CABP1: variants seen among roughly 807,000 people sequenced by gnomAD.
CABP1 encodes the protein calcium-binding protein 1.
Under a neutral mutation model 34.3 loss-of-function variants are expected in CABP1, and 17 were observed. The observed-to-expected ratio is 0.50, with a 90% CI of 0.34 to 0.74. The LOEUF (loss-of-function observed/expected upper bound fraction) is 0.74, where lower values mean the gene tolerates loss of function less well. Among genes scored for constraint, CABP1 ranks in the 30% least tolerant of loss-of-function variants. CABP1 has a pLI of 0.01. For missense variants in CABP1, 373 were observed against 511.1 expected, an observed-to-expected ratio of 0.73 and a Z score of 2.61; for synonymous variants, 198 against 229.2, an observed-to-expected ratio of 0.86 and a Z score of 1.23.
At chr12:120,679,343 T>C in the CABP1 span, among the ~76,000 whole-genome samples, 2 of 152,196 alleles carry the variant, frequency 1.3e-5, no homozygotes, top group Admixed American at 1.3e-4. Flanking sequence ...GGCTGTTCAT[T>C]GTGTGACTTT....
At chr12:120,674,458 T>C in the CABP1 span, among the ~76,000 whole-genome samples, 21 of 152,264 alleles carry the variant, frequency 1.4e-4, no homozygotes, top group Non-Finnish European at 2.8e-4. Context: ...TAGCAGGAAC[T>C]GCAGGGCTGG....
chr12:120,671,297 C>T (rs184614056), downstream of CABP1, among the ~76,000 whole-genome samples: 153 of 152,230 alleles, frequency 1.0e-3, no homozygotes, highest in African/African-American at 3.3e-3. Flanking sequence ...CCCAGCTACT[C>T]GGGAGGCTGA....
At position 120,667,135 on chromosome 12, in the gene CABP1, G is replaced by C; in HGVS notation, c.*235G>C. On this transcript the variant is annotated 3_prime_UTR_variant, in exon 6 of 6. Transcript: ENST00000316803. The stretch of plus-strand genomic sequence containing the variant: ...GACGAGGAGGCCACCGTGCCAAGCC[G>C]GCAGAGGTCATGCCAGGCGCCAAGG... 1.7e-6 allele frequency: 1 copy of C among 581,716 alleles called. No homozygotes were observed. Among genetic ancestry groups the C allele is most frequent in the Non-Finnish European group, 3.0e-6 (1 of 329,290 alleles). 36.0% of individuals were successfully genotyped at this position (581,716 alleles called of 1,614,324 possible).
At chr12:120,643,753 T>C (rs1879438436) in intron 1 of CABP1, among the ~76,000 whole-genome samples, 1 of 152,202 alleles carries the variant, frequency 6.6e-6, no homozygotes, top group African/African-American at 2.4e-5. Flanking sequence ...TTACCTGCAA[T>C]GTAGGGATCA....
intron 1 of CABP1, chr12:120,655,490 C>T: frequency 1.8e-6 from 2 of 1,081,990 alleles, no homozygotes; most frequent in Non-Finnish European, 2.3e-6. Context: ...TCACACCCTG[C>T]CTGCTTCATT....
chr12:120,676,031 G>A, the CABP1 span, among the ~76,000 whole-genome samples: 1 of 152,036 alleles, frequency 6.6e-6, no homozygotes, highest in Non-Finnish European at 1.5e-5. Context: ...AACTGAGATC[G>A]AACCACTGCA....
At chr12:120,679,947 G>A in the CABP1 span, among the ~76,000 whole-genome samples, 1 of 152,154 alleles carries the variant, frequency 6.6e-6, no homozygotes, top group Non-Finnish European at 1.5e-5. Context: ...TGAGGTGGGC[G>A]GATCACTTGA....
chr12:120,659,955 A>G, intron 2 of CABP1, 47 bp downstream of exon 2: 1 of 1,582,136 alleles, frequency 6.3e-7, no homozygotes, highest in South Asian at 1.1e-5. Context: ...CCCTCTAGGA[A>G]GGTGTGGGAA....
At chr12:120,665,351 G>C (rs750851165) in intron 5 of CABP1, among the ~76,000 whole-genome samples, 1 of 152,122 alleles carries the variant, frequency 6.6e-6, no homozygotes, top group Non-Finnish European at 1.5e-5. Flanking sequence ...GCTTGAGCCC[G>C]GGAGGTCAAG....
At chr12:120,671,398 C>T (rs146341048), downstream of CABP1, among the ~76,000 whole-genome samples, 17 of 152,268 alleles carry the variant, frequency 1.1e-4, no homozygotes, top group African/African-American at 4.1e-4. Flanking sequence ...AAATAGCAAC[C>T]ACTATTTCTG....
At chr12:120,650,833 C>T in intron 1 of CABP1, 1 of 773,278 alleles carries the variant, frequency 1.3e-6, no homozygotes. Context: ...ACCCCAAACA[C>T]CCTCCTATTG....
At chr12:120,642,974 A>C (rs1879403321) in intron 1 of CABP1, among the ~76,000 whole-genome samples, 3 of 114,768 alleles carry the variant, frequency 2.6e-5, no homozygotes, top group African/African-American at 1.1e-4. Context: ...CTCAGTTTGC[A>C]GCTGATCTGA....
chr12:120,642,778 T>C (rs1027368525), intron 1 of CABP1, among the ~76,000 whole-genome samples: 5 of 152,126 alleles, frequency 3.3e-5, no homozygotes, highest in African/African-American at 7.2e-5. Context: ...TTCATTCATT[T>C]ATCAATTATT....
intron 5 of CABP1, among the ~76,000 whole-genome samples, chr12:120,665,498 T>G (rs531348700): frequency 6.6e-6 from 1 of 152,272 alleles, no homozygotes; most frequent in South Asian, 2.1e-4. Context: ...CATTATACAT[T>G]TGTCTGAACC....
rs1879308299 is a variant in CABP1, at chr12:120,641,278, C to T, written c.593C>T (p.Ala198Val). ...RGRGDSVPAA[A>V]SEADPFLHRL... ...CGCGGGGACTCCGTTCCAGCCGCCG[C>T]GTCCGAGGCGGACCCGTTCCTCCAC... is the stretch of plus-strand genomic sequence containing the variant. The change falls in exon 1 of 6, where the codon GCG becomes GTG. Residue 198 changes from alanine to valine, a missense_variant. Ala to Val is a moderately conservative substitution (Grantham distance 64, BLOSUM62 0). This residue lies in a region of CABP1 where 121 missense variants were observed against 125.5 expected (regional missense o/e 0.96). Coordinates refer to ENST00000316803, the MANE Select transcript of CABP1 (RefSeq NM_001033677.2). This position sits in a 1 kb window ranked among gnomAD's most constrained non-coding sequence, Gnocchi z 6.7. 5 of 1,314,038 alleles carry T rather than the reference C, an allele frequency of 3.8e-6. No individual in the cohort carries two copies. Among genetic ancestry groups the T allele is most frequent in the African/African-American group, 1.5e-5 (1 of 65,250 alleles). 81.4% of individuals were successfully genotyped at this position (1,314,038 alleles called of 1,614,324 possible).
chr12:120,650,446 A>T, intron 1 of CABP1: 1 of 1,424,954 alleles, frequency 7.0e-7, no homozygotes, highest in Non-Finnish European at 9.2e-7. Context: ...AAAAAAAAAA[A>T]ATCGGAGAGC....
In CABP1 at chr12:120,660,998, A is replaced by G. The variant is rs951923165; in HGVS notation, c.940-73A>G. The G allele has an allele frequency of 6.5e-7, 1 of 1,541,882 alleles. No homozygotes were observed. Among genetic ancestry groups the G allele is most frequent in the Admixed American group, 1.8e-5 (1 of 56,348 alleles). Reference sequence around the variant, plus strand: ...AGGGGGGCAATGACACTGGAGAAGGAGCTCAACTTTGGGATCTGCTGCTGC... The same window carrying G: ...AGGGGGGCAATGACACTGGAGAAGGGGCTCAACTTTGGGATCTGCTGCTGC... On this transcript the variant is annotated intron_variant, in intron 4 of 5. Coordinates refer to ENST00000316803, the MANE Select transcript of CABP1 (RefSeq NM_001033677.2). This position sits in a 1 kb window ranked among gnomAD's most constrained non-coding sequence, Gnocchi z 5.0.
chr12:120,643,230 T>TCA (rs1879418249), intron 1 of CABP1, among the ~76,000 whole-genome samples: 2 of 50,900 alleles, frequency 3.9e-5, no homozygotes, highest in Admixed American at 1.5e-4. Flanking sequence ...CTCTTGCCTC[T>TCA]CAGCTGCGGG....
At chr12:120,673,125 A>G in the CABP1 span, among the ~76,000 whole-genome samples, 43 of 152,286 alleles carry the variant, frequency 2.8e-4, no homozygotes, top group African/African-American at 1.0e-3. Flanking sequence ...AGAAGGAGGG[A>G]AAAAGCTATG....
Sources: gnomAD v4.1 joint callset for allele counts (sites outside exome capture counted in the v4.1 genomes callset) on GRCh38, gnomAD v4.1.1 for gene constraint, gnomAD v4.1.1 regional missense constraint, Gnocchi (gnomAD v3.1) non-coding constraint, MANE v1.5 for transcripts, NCBI Gene and HGNC (gene_info 2026-07-23, HGNC 2026-07-21) for gene names.